Variants in ZBTB20 observed in about 807,000 individuals in gnomAD.
ZBTB20 encodes the protein zinc finger and BTB domain containing 20.
ZBTB20 carries 9 observed loss-of-function variants against 56.9 expected under a neutral mutation model. That is an observed-to-expected ratio of 0.16 (90% CI 0.10 to 0.28). The LOEUF (loss-of-function observed/expected upper bound fraction) is 0.28. Ranked by LOEUF, ZBTB20 falls within the 10% of genes least tolerant of loss-of-function variation. The pLI, the probability that ZBTB20 is intolerant of heterozygous loss-of-function variation, is 1.00. For synonymous variants in ZBTB20, 417 were observed against 420.7 expected, an observed-to-expected ratio of 0.99 and a Z score of 0.11; for missense variants, 655 against 1,003.0, an observed-to-expected ratio of 0.65 and a Z score of 4.69.
intron 2 of ZBTB20, among the ~76,000 whole-genome samples, chr3:115,029,343 G>T (rs1004891279): frequency 6.6e-6 from 1 of 150,540 alleles, no homozygotes; most frequent in Admixed American, 6.6e-5. Flanking sequence ...AATTGAAGGG[G>T]GGGGGCAGTG....
chr3:114,913,123 G>C (rs2075609286), intron 3 of ZBTB20, among the ~76,000 whole-genome samples: 1 of 151,900 alleles, frequency 6.6e-6, no homozygotes, highest in Non-Finnish European at 1.5e-5. Context: ...TGGACCATAT[G>C]GTAGATCTGT....
At chr3:114,855,247 A>G (rs2075193378) in intron 4 of ZBTB20, among the ~76,000 whole-genome samples, 1 of 152,218 alleles carries the variant, frequency 6.6e-6, no homozygotes, top group South Asian at 2.1e-4. Context: ...TTTCGTAATT[A>G]TTTAATGGAG....
intron 2 of ZBTB20, among the ~76,000 whole-genome samples, chr3:115,018,643 C>A (rs1385039046): frequency 1.3e-5 from 2 of 151,076 alleles, no homozygotes; most frequent in Non-Finnish European, 3.0e-5. Context: ...ACAACACTGA[C>A]CAACAAGAAA....
intron 2 of ZBTB20, among the ~76,000 whole-genome samples, chr3:115,006,511 T>C (rs1225283027): frequency 1.3e-5 from 2 of 151,622 alleles, no homozygotes; most frequent in African/African-American, 2.4e-5. Flanking sequence ...GCTTGAAATA[T>C]GTGAAATCAT....
intron 6 of ZBTB20, among the ~76,000 whole-genome samples, chr3:114,675,505 T>C (rs1442158073): frequency 6.6e-6 from 1 of 152,124 alleles, no homozygotes; most frequent in Non-Finnish European, 1.5e-5. Context: ...CCTTTATGTA[T>C]TCAGAAGAAG....
At chr3:114,975,340 T>TC (rs2078053522) in intron 2 of ZBTB20, among the ~76,000 whole-genome samples, 13 of 152,256 alleles carry the variant, frequency 8.5e-5, no homozygotes, top group African/African-American at 2.9e-4. Context: ...GATTTAGGCA[T>TC]TCAAAGTTTC....
At position 114,482,412 on chromosome 3, in the gene ZBTB20, C is replaced by T. The variant is rs571005267; in HGVS notation, c.-255+17940G>A. On this transcript the variant is annotated intron_variant, in intron 7 of 11. Coordinates refer to ENST00000675478, the MANE Select transcript of ZBTB20 (RefSeq NM_001348800.3). Reference sequence around the variant, plus strand: ...CTCCAAGGAAGGGGAGAGGAGACCACCTAGCAGAATGGAGGCCAAATCTGA... The same window carrying T: ...CTCCAAGGAAGGGGAGAGGAGACCATCTAGCAGAATGGAGGCCAAATCTGA... Among the ~76,000 whole-genome samples the T allele has an allele frequency of 2.6e-5, 4 of 152,200 alleles. No homozygotes were observed. In the South Asian group the frequency reaches 6.2e-4, roughly 24 times the overall value.
chr3:115,018,477 G>T (rs1484943535), intron 2 of ZBTB20, among the ~76,000 whole-genome samples: 2 of 151,320 alleles, frequency 1.3e-5, no homozygotes, highest in Admixed American at 1.3e-4. Context: ...CTCCACATGA[G>T]CAGAGACACA....
rs542303381 is a variant in ZBTB20, at chr3:115,046,496, T to C, written c.-507+24723A>G. Among the ~76,000 whole-genome samples the C allele has an allele frequency of 3.7e-4, 56 of 152,282 alleles. 1 individual carries two copies. Among genetic ancestry groups the C allele is most frequent in the African/African-American group, 1.3e-3 (54 of 41,562 alleles). The stretch of plus-strand genomic sequence containing the variant: ...TGAGCCATATGTACCAAAATTAATA[T>C]TCTAAAGAAATTCTGCTATCTTGTC... On this transcript the variant is annotated intron_variant, in intron 2 of 11. Transcript: ENST00000675478.
intron 6 of ZBTB20, among the ~76,000 whole-genome samples, chr3:114,597,569 C>T (rs1467698968): frequency 6.6e-6 from 1 of 152,112 alleles, no homozygotes; most frequent in Non-Finnish European, 1.5e-5. Context: ...ACAATCTCCA[C>T]GTTTTACATA....
chr3:115,004,377 G>T (rs1005319945), intron 2 of ZBTB20, among the ~76,000 whole-genome samples: 4 of 151,568 alleles, frequency 2.6e-5, no homozygotes, highest in Non-Finnish European at 5.9e-5. Flanking sequence ...TACATTACAT[G>T]GAAGTATTCT....
intron 2 of ZBTB20, among the ~76,000 whole-genome samples, chr3:115,009,247 C>T (rs2079600467): frequency 6.6e-6 from 1 of 151,414 alleles, no homozygotes; most frequent in South Asian, 2.1e-4. Context: ...ACTATATAGC[C>T]CTTAATCTAT....
At chr3:115,010,205 T>A (rs183708540) in intron 2 of ZBTB20, among the ~76,000 whole-genome samples, 21 of 152,040 alleles carry the variant, frequency 1.4e-4, no homozygotes, top group Admixed American at 3.9e-4. Context: ...CTTGCTGTCC[T>A]GAAGAGAAGT....
chr3:114,381,432 A>G (rs1400491939), intron 8 of ZBTB20, among the ~76,000 whole-genome samples: 1 of 152,234 alleles, frequency 6.6e-6, no homozygotes, highest in Non-Finnish European at 1.5e-5. Context: ...AACTGATATG[A>G]AATTAACAAA....
intron 3 of ZBTB20, among the ~76,000 whole-genome samples, chr3:114,941,960 T>C (rs1266487490): frequency 6.8e-6 from 1 of 146,032 alleles, no homozygotes; most frequent in Non-Finnish European, 1.5e-5. Flanking sequence ...TCAAAATAAC[T>C]TTGAAAACTG....
intron 4 of ZBTB20, among the ~76,000 whole-genome samples, chr3:114,839,465 A>G (rs571321151): frequency 1.6e-3 from 239 of 148,280 alleles, no homozygotes; most frequent in African/African-American, 5.4e-3. Flanking sequence ...GAAAGAAAGA[A>G]AGAGAGAGAG....
rs540799277 is a variant in ZBTB20, at chr3:115,010,520, T to C, written c.-506-36104A>G. Among the ~76,000 whole-genome samples, 3 of 152,040 alleles carry C rather than the reference T, an allele frequency of 2.0e-5. No homozygotes were observed. The South Asian group carries it at 6.2e-4, about 31-fold the overall frequency. On this transcript the variant is annotated intron_variant, in intron 2 of 11. Coordinates refer to ENST00000675478, the MANE Select transcript of ZBTB20 (RefSeq NM_001348800.3). ...AGTCTCTGCCTGGTAATCAAGAGAA[T>C]TCTCCCAGATCTTAGCCAAGACCAT...
intron 3 of ZBTB20, among the ~76,000 whole-genome samples, chr3:114,914,208 A>C (rs2075653473): frequency 6.6e-6 from 1 of 152,040 alleles, no homozygotes; most frequent in Non-Finnish European, 1.5e-5. Flanking sequence ...CAATTCATGA[A>C]CATGGAATAT....
At chr3:114,788,035 G>C (rs1396917713) in intron 5 of ZBTB20, among the ~76,000 whole-genome samples, 1 of 152,078 alleles carries the variant, frequency 6.6e-6, no homozygotes, top group African/African-American at 2.4e-5. Context: ...TGACAGCAAG[G>C]TAAAGACTGT....
Sources: gnomAD v4.1 joint callset for allele counts (sites outside exome capture counted in the v4.1 genomes callset) on GRCh38, gnomAD v4.1.1 for gene constraint, MANE v1.5 for transcripts, NCBI Gene and HGNC (gene_info 2026-07-23, HGNC 2026-07-21) for gene names.